Variants in LRBA observed in about 807,000 individuals in gnomAD.
The protein encoded by LRBA is LPS responsive beige-like anchor protein, also known as lipopolysaccharide-responsive and beige-like anchor protein.
In LRBA, 176 loss-of-function variants were observed where a neutral mutation model predicts 330.0. The observed-to-expected ratio is 0.53, with a 90% confidence interval of 0.47 to 0.60. LRBA has a LOEUF of 0.60. Among genes scored for constraint, LRBA ranks in the 20% least tolerant of loss-of-function variants. LRBA has a pLI of 0.00. For synonymous variants in LRBA, 1,230 were observed against 1,193.0 expected, an observed-to-expected ratio of 1.03 and a Z score of -0.64; for missense variants, 3,259 against 3,444.8, an observed-to-expected ratio of 0.95 and a Z score of 1.35.
Position 150,829,924 on chromosome 4 carries a change from T to A in LRBA, c.4730-1303A>T, listed in dbSNP as rs193018465. On this transcript the variant is annotated intron_variant, in intron 29 of 56. Transcript: ENST00000651943. ...CACCTTTAATCTACTCCACTGTACC[T>A]TGTAATCATTTTTGACTACCTTTTT... 5.1e-4 allele frequency among the ~76,000 whole-genome samples: 78 copies of A among 152,328 alleles called. 1 individual carries two copies. Among genetic ancestry groups the A allele is most frequent in the Non-Finnish European group, 7.1e-4 (48 of 68,024 alleles).
At chr4:150,589,349 G>C (rs2126448365) in intron 39 of LRBA, among the ~76,000 whole-genome samples, 1 of 152,234 alleles carries the variant, frequency 6.6e-6, no homozygotes, top group African/African-American at 2.4e-5. Flanking sequence ...CAATAGAAGG[G>C]ATGCTCTGCG....
intron 37 of LRBA, among the ~76,000 whole-genome samples, chr4:150,612,629 A>G (rs1775385906): frequency 6.6e-6 from 1 of 152,098 alleles, no homozygotes; most frequent in African/African-American, 2.4e-5. Context: ...GTTCTCAATG[A>G]CCATCTCTAC....
chr4:151,013,373 T>C (rs1378960141), intron 2 of LRBA: 1 of 152,182 alleles, frequency 6.6e-6, no homozygotes, highest in Non-Finnish European at 1.5e-5. Flanking sequence ...GTCTCCATTA[T>C]AAATGATAAC....
In LRBA at chr4:150,436,754, T is replaced by C; in HGVS notation, c.6891A>G (p.Ala2297=). 1 of 1,613,016 alleles carries C rather than the reference T, an allele frequency of 6.2e-7. No homozygotes were observed. Among genetic ancestry groups the C allele is most frequent in the Non-Finnish European group, 8.5e-7 (1 of 1,179,316 alleles). The change falls in exon 45 of 57, where the codon GCA becomes GCG. Residue 2297 remains alanine (A), a synonymous_variant. Coordinates refer to ENST00000651943, the MANE Select transcript of LRBA (RefSeq NM_001364905.1). ...TTAGCAGCCATGCAAGAACAAAACT[T>C]GCAGTTGAGTAATGAGTACCATAGT... ...KFHYGTHYST[A]SFVLAWLLRI...
At chr4:150,297,402 C>G (rs989197964) in intron 53 of LRBA, among the ~76,000 whole-genome samples, 1 of 152,196 alleles carries the variant, frequency 6.6e-6, no homozygotes, top group Non-Finnish European at 1.5e-5. Flanking sequence ...CATCCTGGAC[C>G]TTCTGGAGAA....
intron 51 of LRBA, 60 bp from the exon 52 acceptor site, chr4:150,310,444 T>C: frequency 8.5e-7 from 1 of 1,179,858 alleles, no homozygotes; most frequent in Non-Finnish European, 1.2e-6. Flanking sequence ...AATTCTATAG[T>C]GAGGGAGAAG....
intron 51 of LRBA, 171 bp downstream of exon 51, chr4:150,315,390 T>C (rs926950505): frequency 4.5e-6 from 3 of 659,940 alleles, no homozygotes; most frequent in South Asian, 3.5e-5. Flanking sequence ...CGAGGGGGAG[T>C]TGATGAAATA....
intron 47 of LRBA, among the ~76,000 whole-genome samples, chr4:150,378,598 T>G (rs946201974): frequency 1.3e-5 from 2 of 152,210 alleles, no homozygotes; most frequent in Non-Finnish European, 2.9e-5. Context: ...GCAACTCATA[T>G]GCATCAGAGA....
chr4:150,762,660 C>A (rs938847940), intron 34 of LRBA, among the ~76,000 whole-genome samples: 4 of 151,726 alleles, frequency 2.6e-5, no homozygotes, highest in African/African-American at 9.7e-5. Context: ...TATAAACACA[C>A]ACACAAAGAT....
chr4:150,832,370 C>A (rs118130749), intron 28 of LRBA, among the ~76,000 whole-genome samples: 1 of 152,012 alleles, frequency 6.6e-6, no homozygotes, highest in Non-Finnish European at 1.5e-5. Context: ...CCAAACCAGG[C>A]GGATCACTTG....
chr4:150,999,000 G>C (rs1161536881), intron 2 of LRBA, among the ~76,000 whole-genome samples: 1 of 152,158 alleles, frequency 6.6e-6, no homozygotes, highest in Non-Finnish European at 1.5e-5. Flanking sequence ...TAGACTTCCA[G>C]CAGATAATGA....
At chr4:150,371,474 A>G (rs1203190480) in intron 47 of LRBA, among the ~76,000 whole-genome samples, 1 of 152,060 alleles carries the variant, frequency 6.6e-6, no homozygotes, top group Non-Finnish European at 1.5e-5. Context: ...TACAGGCACA[A>G]GCCACCGCGC....
intron 44 of LRBA, among the ~76,000 whole-genome samples, chr4:150,447,205 T>C (rs1425750795): frequency 2.0e-5 from 3 of 152,196 alleles, no homozygotes; most frequent in Non-Finnish European, 2.9e-5. Flanking sequence ...ACACAAATCA[T>C]ATGAAATAAT....
chr4:150,567,193 C>T (rs74917946), intron 40 of LRBA, among the ~76,000 whole-genome samples: 2,606 of 152,078 alleles, frequency 0.017, 84 homozygotes, highest in African/African-American at 0.058. Flanking sequence ...TGCTACTTGG[C>T]CCTCCATGTA....
intron 36 of LRBA, among the ~76,000 whole-genome samples, chr4:150,714,754 G>C (rs1412830974): frequency 6.6e-6 from 1 of 151,994 alleles, no homozygotes; most frequent in East Asian, 1.9e-4. Flanking sequence ...TTTAATTTTT[G>C]CTCATTAAAA....
chr4:150,998,141 T>G (rs1454939417), intron 2 of LRBA, among the ~76,000 whole-genome samples: 2 of 151,638 alleles, frequency 1.3e-5, no homozygotes, highest in South Asian at 2.1e-4. Flanking sequence ...CACATGAGGT[T>G]GGGAGTTCGG....
intron 42 of LRBA, 45 bp from the exon 43 acceptor site, chr4:150,471,784 A>T: frequency 1.2e-6 from 1 of 857,792 alleles, no homozygotes; most frequent in Non-Finnish European, 2.0e-6. Context: ...TTATATCACA[A>T]TAATAAATCA....
At chr4:150,543,044 A>T (rs1307170043) in intron 40 of LRBA, among the ~76,000 whole-genome samples, 1 of 152,172 alleles carries the variant, frequency 6.6e-6, no homozygotes, top group African/African-American at 2.4e-5. Context: ...CCCACAAAAA[A>T]CTAGAACACA....
intron 40 of LRBA, among the ~76,000 whole-genome samples, chr4:150,533,844 G>A (rs368521463): frequency 1.3e-5 from 2 of 152,216 alleles, no homozygotes; most frequent in East Asian, 3.9e-4. Context: ...TGACCTAAGA[G>A]TCATAGAGAT....
Sources: gnomAD v4.1 joint callset for allele counts (sites outside exome capture counted in the v4.1 genomes callset) on GRCh38, gnomAD v4.1.1 for gene constraint, MANE v1.5 for transcripts, NCBI Gene and HGNC (gene_info 2026-07-23, HGNC 2026-07-21) for gene names.